Variants in ABCC1 observed in about 807,000 individuals in gnomAD.
ABCC1 encodes ATP binding cassette subfamily C member 1 (ABCC1 blood group).
In ABCC1, 83 loss-of-function variants were observed where a neutral mutation model predicts 172.9. The observed-to-expected ratio is 0.48, with a 90% CI of 0.40 to 0.58. The LOEUF (loss-of-function observed/expected upper bound fraction) is 0.58. Ranked by LOEUF, ABCC1 falls within the 20% of genes least tolerant of loss-of-function variation. The probability of loss-of-function intolerance (pLI) is 0.00; values close to 1 mark genes in which losing one functional copy is unlikely to be tolerated. For synonymous variants in ABCC1, 937 were observed against 825.2 expected (o/e 1.14, Z -2.32); for missense variants, 1,817 against 2,002.7 (o/e 0.91, Z 1.77).
intron 19 of ABCC1, among the ~76,000 whole-genome samples, chr16:16,101,728 G>T (rs2051759699): frequency 6.6e-6 from 1 of 152,164 alleles, no homozygotes; most frequent in African/African-American, 2.4e-5. Context: ...CTGAGTTATT[G>T]TGAACCGGGA....
chr16:15,965,855 G>A (rs1377745783), intron 1 of ABCC1, among the ~76,000 whole-genome samples: 1 of 152,078 alleles, frequency 6.6e-6, no homozygotes, highest in African/African-American at 2.4e-5. Flanking sequence ...CCAACGTGCT[G>A]GGATTACAGG....
At chr16:16,004,686 A>T in intron 1 of ABCC1, among the ~76,000 whole-genome samples, 1 of 130,254 alleles carries the variant, frequency 7.7e-6, no homozygotes, top group Admixed American at 8.9e-5. Flanking sequence ...TGAGATGGAG[A>T]CTGTGTTGCC....
chr16:15,962,207 A>G (rs981803253), intron 1 of ABCC1, among the ~76,000 whole-genome samples: 1 of 152,198 alleles, frequency 6.6e-6, no homozygotes, highest in Non-Finnish European at 1.5e-5. Context: ...CAGGAGATCA[A>G]AGCAGAAGTG....
At chr16:16,138,973 T>C (rs1476779517) in intron 30 of ABCC1, among the ~76,000 whole-genome samples, 2 of 152,156 alleles carry the variant, frequency 1.3e-5, no homozygotes, top group Non-Finnish European at 2.9e-5. Flanking sequence ...GCCTCCCAAA[T>C]TGCTGGGATT....
At chr16:15,960,055 T>C (rs1248543279) in intron 1 of ABCC1, among the ~76,000 whole-genome samples, 1 of 152,184 alleles carries the variant, frequency 6.6e-6, no homozygotes, top group Admixed American at 6.5e-5. Context: ...TTGGAGAATA[T>C]GTGTGATGTC....
chr16:16,141,243 CT>C lies in ABCC1; in HGVS notation c.4562del (p.Phe1521SerfsTer44). On this transcript the variant is annotated frameshift_variant, in exon 31 of 31. Transcript: ENST00000399410. LOFTEE classifies it high-confidence loss of function. ...ATCGGACCTCCTGCAGCAGAGAGGT[CT>C]TTTCTACAGCATGGCCAAAGACGCC... The part of the protein sequence containing the change: ...APSDLLQQRG[L>X]FYSMAKDAGL... 1 of 1,614,106 alleles carries C rather than the reference CT, an allele frequency of 6.2e-7. No homozygotes were observed. Among genetic ancestry groups the C allele is most frequent in the Non-Finnish European group, 8.5e-7 (1 of 1,180,032 alleles).
intron 20 of ABCC1, among the ~76,000 whole-genome samples, chr16:16,105,058 C>T (rs913287524): frequency 1.2e-4 from 18 of 152,188 alleles, no homozygotes; most frequent in Non-Finnish European, 2.5e-4. Context: ...CCTTGGCCAG[C>T]CCAGAAAGGG....
intron 21 of ABCC1, among the ~76,000 whole-genome samples, chr16:16,109,875 G>T (rs2052309888): frequency 6.6e-6 from 1 of 152,140 alleles, no homozygotes; most frequent in South Asian, 2.1e-4. Context: ...TCTGCTTTCT[G>T]TCAGTCTTGG....
At chr16:15,988,517 T>C (rs1321962070) in intron 1 of ABCC1, among the ~76,000 whole-genome samples, 1 of 152,138 alleles carries the variant, frequency 6.6e-6, no homozygotes, top group East Asian at 1.9e-4. Flanking sequence ...ACTAAGGGAT[T>C]TATTTGGTGA....
intron 28 of ABCC1, 40 bp from the exon 29 acceptor site, chr16:16,136,438 A>G: frequency 1.2e-6 from 2 of 1,607,354 alleles, no homozygotes; most frequent in Non-Finnish European, 1.7e-6. Context: ...TCAGCGTGAC[A>G]CAGGTGTCAC....
chr16:15,986,784 C>T (rs2046754923), intron 1 of ABCC1, among the ~76,000 whole-genome samples: 1 of 152,162 alleles, frequency 6.6e-6, no homozygotes, highest in African/African-American at 2.4e-5. Context: ...ACGGGCTATT[C>T]TGTGTACTGC....
At chr16:16,026,682 G>A (rs1355103994) in intron 5 of ABCC1, among the ~76,000 whole-genome samples, 2 of 151,776 alleles carry the variant, frequency 1.3e-5, no homozygotes, top group East Asian at 3.9e-4. Flanking sequence ...TTGTGAGGCC[G>A]AGATAGGCGG....
At chr16:15,951,199 G>T (rs2045863030) in intron 1 of ABCC1, among the ~76,000 whole-genome samples, 1 of 152,126 alleles carries the variant, frequency 6.6e-6, no homozygotes, top group African/African-American at 2.4e-5. Context: ...GTGTTGCTGT[G>T]AATTCCAGAA....
At chr16:16,103,928 T>C (rs1285176145) in intron 20 of ABCC1, among the ~76,000 whole-genome samples, 4 of 152,144 alleles carry the variant, frequency 2.6e-5, no homozygotes, top group Non-Finnish European at 5.9e-5. Flanking sequence ...TTGTTCCTTC[T>C]GCTGTTCGGA....
chr16:16,057,209 A>G (rs1368437000), intron 12 of ABCC1, among the ~76,000 whole-genome samples: 1 of 148,498 alleles, frequency 6.7e-6, no homozygotes. Flanking sequence ...GAAAGAAAAA[A>G]AAAGCTGGGC....
chr16:16,025,796 T>C (rs1243927896), intron 5 of ABCC1, among the ~76,000 whole-genome samples: 1 of 152,206 alleles, frequency 6.6e-6, no homozygotes, highest in Non-Finnish European at 1.5e-5. Flanking sequence ...TCTGTTTGGA[T>C]GAATCAGGCT....
intron 14 of ABCC1, among the ~76,000 whole-genome samples, chr16:16,074,686 G>A: frequency 6.6e-6 from 1 of 152,270 alleles, no homozygotes; most frequent in East Asian, 1.9e-4. Flanking sequence ...CAACCTCTCT[G>A]TCTCCAGTGG....
At chr16:16,120,448 C>G (rs573916367) in intron 23 of ABCC1, among the ~76,000 whole-genome samples, 158 of 152,284 alleles carry the variant, frequency 1.0e-3, no homozygotes, top group African/African-American at 3.7e-3. Context: ...TCTAACAAGA[C>G]TTATCGGGAG....
rs765673167 is a variant in ABCC1, at chr16:15,977,203, A to G, written c.48+27404A>G. ...TCCTGTTCTTAGCTATATTCAAGAA[A>G]AGGGTAAGCCAGAAAATTTCCCTCT... On this transcript the variant is annotated intron_variant, in intron 1 of 30. Transcript: ENST00000399410. Among the ~76,000 whole-genome samples the G allele has an allele frequency of 5.5e-4, 83 of 152,180 alleles. 1 individual carries two copies. Among genetic ancestry groups the G allele is most frequent in the Non-Finnish European group, 9.6e-4 (65 of 68,032 alleles).
Sources: allele counts gnomAD v4.1 joint callset (sites outside exome capture counted in the v4.1 genomes callset), GRCh38; gene constraint gnomAD v4.1.1; transcripts MANE v1.5; gene names NCBI Gene and HGNC (gene_info 2026-07-23, HGNC 2026-07-21).